Variants in VPS35 observed in about 807,000 individuals in gnomAD.
VPS35 encodes vacuolar protein sorting-associated protein 35.
In VPS35, 21 loss-of-function variants were observed where a neutral mutation model predicts 98.1. That is an observed-to-expected ratio of 0.21 (90% CI 0.15 to 0.31). VPS35 has a LOEUF of 0.31. Among genes scored for constraint, VPS35 ranks in the 10% least tolerant of loss-of-function variants. VPS35 has a pLI of 1.00. For synonymous variants in VPS35, 268 were observed against 318.2 expected, an observed-to-expected ratio of 0.84 and a Z score of 1.68; for missense variants, 554 against 950.8, an observed-to-expected ratio of 0.58 and a Z score of 5.49.
At chr16:46,681,063 A>ACT (rs1167493217) in intron 4 of VPS35, among the ~76,000 whole-genome samples, 1 of 151,054 alleles carries the variant, frequency 6.6e-6, no homozygotes, top group East Asian at 1.9e-4. Flanking sequence ...ACACACACAC[A>ACT]CTGTATATAT....
chr16:46,672,520 T>C lies in VPS35; in HGVS notation c.1161-48A>G, dbSNP rs373540036. 1.8e-4 allele frequency: 269 copies of C among 1,498,310 alleles called. 2 individuals are homozygous for C. The highest frequency in any genetic ancestry group is 1.2e-3 in the Middle Eastern group (5 of 4,206). 92.8% of individuals were successfully genotyped at this position (1,498,310 alleles called of 1,614,324 possible). A position where few individuals can be genotyped will look rare whatever the true frequency, so the allele number is the denominator to read the frequency against. On this transcript the variant is annotated intron_variant, in intron 10 of 16. Transcript: ENST00000299138. ...CTTAATGAATAAAATTAACTTTCTA[T>C]ATACACAAATAGCATTTGTTCCATA...
intron 5 of VPS35, 41 bp from the exon 6 acceptor site, chr16:46,679,197 A>T: frequency 6.6e-7 from 1 of 1,505,794 alleles, no homozygotes; most frequent in Non-Finnish European, 9.1e-7. Flanking sequence ...TATTTACAGG[A>T]CCAACTTACT....
Position 46,661,768 on chromosome 16 carries a change from T to C in VPS35, c.2161A>G (p.Ile721Val). Residue 721 changes from isoleucine to valine, a missense_variant, in exon 16 of 17, where the codon ATA (isoleucine) becomes GTA (valine). Ile to Val is a conservative substitution (Grantham distance 29). Transcript: ENST00000299138. This position sits in a 1 kb window ranked among gnomAD's most constrained non-coding sequence, Gnocchi z 4.3. ...MDPSLQVQLFIEILNRYIYFY... is the reference protein window; with the variant it reads ...MDPSLQVQLFVEILNRYIYFY... ...TAGATATATCTGTTCAGAATTTCTA[T>C]AAAAAGCTGCACTTGTAGAGAGGGG... 1 of 1,613,812 alleles carries C rather than the reference T, an allele frequency of 6.2e-7. No individual in the cohort carries two copies. Among genetic ancestry groups the C allele is most frequent in the Non-Finnish European group, 8.5e-7 (1 of 1,179,680 alleles).
At chr16:46,688,752 G>A in intron 1 of VPS35, 1 of 1,226,552 alleles carries the variant, frequency 8.2e-7, no homozygotes. Flanking sequence ...CGAGTCTCAG[G>A]GCCTCCACGC....
intron 10 of VPS35, 142 bp downstream of exon 10, chr16:46,674,172 C>G: frequency 1.1e-6 from 1 of 910,762 alleles, no homozygotes; most frequent in African/African-American, 1.7e-5. Flanking sequence ...TACTTTCTGC[C>G]CCTAGTAGTG....
intron 13 of VPS35, 23 bp downstream of exon 13, chr16:46,668,907 T>C (rs746557947): frequency 4.3e-6 from 7 of 1,613,654 alleles, no homozygotes; most frequent in Non-Finnish European, 5.9e-6. Context: ...AAAAAGTACC[T>C]AAATACTTAA....
At chr16:46,662,611 C>A in intron 14 of VPS35, 129 bp from the exon 15 acceptor site, 2 of 1,423,380 alleles carry the variant, frequency 1.4e-6, no homozygotes, top group African/African-American at 1.4e-5. Flanking sequence ...ACATGCTGCA[C>A]CCTCTCTTGA....
chr16:46,689,067 G>T lies in VPS35; in HGVS notation c.3+64C>A, dbSNP rs761569610. ...TTCTCCACTCGCTGGAGTGCGGGGCGGTGGGAGAGAGCAGGGGCTACAAGG... is the reference window on the plus strand; with the variant it reads ...TTCTCCACTCGCTGGAGTGCGGGGCTGTGGGAGAGAGCAGGGGCTACAAGG... On this transcript the variant is annotated intron_variant, in intron 1 of 16. Transcript: ENST00000299138. The T allele has an allele frequency of 1.8e-5, 28 of 1,586,808 alleles. No homozygotes were observed. The Middle Eastern group carries it at 5.0e-4, about 28-fold the overall frequency.
rs1234948304 is a variant in VPS35 at position 46,661,965 on chromosome 16, A to G, written c.2068-104T>C. ...TGGCTCTTTCGTGTTTTAAAGGGAC[A>G]TAACAAATTTAAATCCTTTTCATTC... is the stretch of plus-strand genomic sequence containing the variant. On this transcript the variant is annotated intron_variant, in intron 15 of 16. Transcript: ENST00000299138. This position sits in a 1 kb window ranked among gnomAD's most constrained non-coding sequence, Gnocchi z 4.3. 2.0e-6 allele frequency: 3 copies of G among 1,496,826 alleles called. No homozygotes were observed. The highest frequency in any genetic ancestry group is 2.8e-5 in the African/African-American group (2 of 71,656). 92.7% of individuals were successfully genotyped at this position (1,496,826 alleles called of 1,614,324 possible).
rs775824787 is a variant in VPS35, at chr16:46,668,987, T to A, written c.1590A>T (p.Pro530=). 6.2e-7 allele frequency: 1 copy of A among 1,614,128 alleles called. No individual in the cohort carries two copies. Among genetic ancestry groups the A allele is most frequent in the Non-Finnish European group, 8.5e-7 (1 of 1,180,012 alleles). The change falls in exon 13 of 17, where the codon CCA becomes CCT. Residue 530 remains proline, a synonymous_variant. Transcript: ENST00000299138. ...GGNQRIRFTL[P]PLVFAAYQLA... Reference sequence around the variant, plus strand: ...GCTGGTAAGCTGCAAATACCAAAGGTGGCAGTGTGAAGCGAATCCGCTGAT... The same window carrying A: ...GCTGGTAAGCTGCAAATACCAAAGGAGGCAGTGTGAAGCGAATCCGCTGAT...
intron 1 of VPS35, chr16:46,688,917 G>T: frequency 2.1e-5 from 31 of 1,458,364 alleles, no homozygotes; most frequent in Non-Finnish European, 2.7e-5. Flanking sequence ...TCTCAGCAAC[G>T]GCCGCAGCCA....
chr16:46,682,208 C>T lies in VPS35; in HGVS notation c.103-33G>A, dbSNP rs766570221. 5 of 1,468,434 alleles carry T rather than the reference C, an allele frequency of 3.4e-6. No individual in the cohort carries two copies. The South Asian group carries it at 5.7e-5, about 17-fold the overall frequency. The allele number at this position is 1,468,434 out of a possible 1,614,324, so 91.0% of individuals were successfully genotyped here. The stretch of plus-strand genomic sequence containing the variant: ...AATACCAAGAGAATAGATGAGAATG[C>T]TTAATTTAAATAAACATTTATCTTG... On this transcript the variant is annotated intron_variant, in intron 2 of 16. Transcript: ENST00000299138.
chr16:46,660,861 A>C, intron 16 of VPS35: 1 of 569,688 alleles, frequency 1.8e-6, no homozygotes. Context: ...AACAAGCAAA[A>C]TTGGCTCGGC....
Position 46,671,685 on chromosome 16 carries a change from T to C in VPS35, c.1524+20A>G. ...TTCACTAGGAGCTGATACAGGGATA[T>C]ACTAAGGGTAAACTCATACCAAGTA... is the stretch of plus-strand genomic sequence containing the variant. On this transcript the variant is annotated intron_variant, in intron 12 of 16. Coordinates refer to ENST00000299138, the MANE Select transcript of VPS35 (RefSeq NM_018206.6). 2 of 1,614,046 alleles carry C rather than the reference T, an allele frequency of 1.2e-6. No homozygotes were observed. Among genetic ancestry groups the C allele is most frequent in the Non-Finnish European group, 1.7e-6 (2 of 1,179,914 alleles).
rs1555522795 is a variant in VPS35 at position 46,660,196 on chromosome 16, T to TTG, written c.*275_*276insCA. 5.3e-5 allele frequency: 10 copies of TTG among 189,700 alleles called. No homozygotes were observed. The highest frequency in any genetic ancestry group is 8.4e-5 in the Non-Finnish European group (8 of 95,174). 11.8% of individuals were successfully genotyped at this position (189,700 alleles called of 1,614,324 possible). On this transcript the variant is annotated 3_prime_UTR_variant, in exon 17 of 17. Transcript: ENST00000299138. The stretch of plus-strand genomic sequence containing the variant: ...TAAGTGCTTGTGGGTTTTGTGTTTT[T>TTG]TTTTTTTTTTTTTTTTACAGATCAC...
intron 13 of VPS35, 116 bp downstream of exon 13, chr16:46,668,814 T>C (rs1195735503): frequency 7.0e-7 from 1 of 1,430,710 alleles, no homozygotes; most frequent in Non-Finnish European, 9.6e-7. Context: ...GGGATTTTAT[T>C]ATACCACTGT....
rs966782513 is a variant in VPS35, at chr16:46,658,649, T to A, written c.*1823A>T. ...TATTTCACAAAACATGTAAATAATA[T>A]GGACATGTCAAGCCATAATCAGGTT... On this transcript the variant is annotated 3_prime_UTR_variant, in exon 17 of 17. Coordinates refer to ENST00000299138, the MANE Select transcript of VPS35 (RefSeq NM_018206.6). 1 of 152,568 alleles carries A rather than the reference T, an allele frequency of 6.6e-6. No individual in the cohort carries two copies. Among genetic ancestry groups the A allele is most frequent in the African/African-American group, 2.4e-5 (1 of 41,466 alleles). The allele number at this position is 152,568 out of a possible 1,614,324, so 9.5% of individuals were successfully genotyped here. A position where few individuals can be genotyped will look rare whatever the true frequency, so the allele number is the denominator to read the frequency against.
At chr16:46,673,866 C>G (rs867682210) in intron 10 of VPS35, 3 of 169,086 alleles carry the variant, frequency 1.8e-5, no homozygotes, top group African/African-American at 4.8e-5. Flanking sequence ...GCCCACAGGC[C>G]GCATGCAGCC....
rs753814145 is a variant in VPS35 at position 46,669,147 on chromosome 16, G to GT, written c.1525-96dup. On this transcript the variant is annotated intron_variant, in intron 12 of 16. Transcript: ENST00000299138. ...CTCTAATCATCATTGCTAACATTTT[G>GT]TGAATATATACAATGTACCATACTT... The GT allele has an allele frequency of 2.7e-6, 4 of 1,478,686 alleles. No individual in the cohort carries two copies. In the South Asian group the frequency reaches 3.4e-5, roughly 13 times the overall value. 91.6% of individuals were successfully genotyped at this position (1,478,686 alleles called of 1,614,324 possible).
Sources: gnomAD v4.1 joint callset for allele counts (sites outside exome capture counted in the v4.1 genomes callset) on GRCh38, gnomAD v4.1.1 for gene constraint, Gnocchi (gnomAD v3.1) non-coding constraint, MANE v1.5 for transcripts, NCBI Gene and HGNC (gene_info 2026-07-23, HGNC 2026-07-21) for gene names.